LONP1: variants seen among roughly 807,000 people sequenced by gnomAD.
LONP1 encodes the protein lon protease homolog, mitochondrial.
A neutral mutation model predicts 98.5 loss-of-function variants in LONP1; 31 were observed. The ratio of observed to expected loss-of-function variants is 0.31; its 90% confidence interval spans 0.24 to 0.42. The LOEUF is 0.42. Ranked by LOEUF, LONP1 falls within the 20% of genes least tolerant of loss-of-function variation. LONP1 has a pLI of 1.00. For missense variants in LONP1, 1,336 were observed against 1,350.6 expected (o/e 0.99, Z 0.17); for synonymous variants, 781 against 594.7 (o/e 1.31, Z -4.56).
chr19:5,693,698 C>T lies in LONP1; in HGVS notation c.2392G>A (p.Gly798Ser), dbSNP rs201378376. The T allele has an allele frequency of 3.3e-4, 527 of 1,614,096 alleles. 11 individuals carry two copies. The East Asian group carries it at 7.4e-3, about 23-fold the overall frequency. The stretch of plus-strand genomic sequence containing the variant: ...AGCTGGCCTGTCACCTCCAGGCTGC[C>T]ATCCTTGTCACCCTTGGCATCCTTG... ...QDKDAKGDKD[G>S]SLEVTGQLGE... The change falls in exon 16 of 18, where the codon GGC (glycine) becomes AGC (serine). Residue 798 changes from glycine to serine, a missense_variant. Gly to Ser is a moderately conservative substitution (Grantham distance 56). Transcript: ENST00000360614.
chr19:5,708,021 T>C (rs988116482), intron 5 of LONP1, 195 bp from the exon 6 acceptor site: 9 of 660,688 alleles, frequency 1.4e-5, no homozygotes, highest in African/African-American at 5.5e-5. Context: ...TGGAAAGGCA[T>C]GCAGCATCCT....
At chr19:5,710,883 G>A (rs1439769242) in intron 4 of LONP1, among the ~76,000 whole-genome samples, 1 of 152,040 alleles carries the variant, frequency 6.6e-6, no homozygotes, top group African/African-American at 2.4e-5. Context: ...AAAATTAGCC[G>A]TGTGTGGTGG....
intron 10 of LONP1, among the ~76,000 whole-genome samples, chr19:5,698,091 A>T (rs1000073927): frequency 2.3e-4 from 17 of 75,142 alleles, no homozygotes; most frequent in African/African-American, 9.0e-4. Flanking sequence ...CCCCCTAGTC[A>T]ATCTGGGACT....
intron 8 of LONP1, among the ~76,000 whole-genome samples, chr19:5,701,880 G>A (rs1272578239): frequency 1.3e-5 from 2 of 151,536 alleles, no homozygotes; most frequent in African/African-American, 4.9e-5. Context: ...CATCTGAGAT[G>A]TGGGGAGCGC....
Position 5,711,869 on chromosome 19 carries a change from G to A in LONP1, c.772C>T (p.Leu258=), listed in dbSNP as rs1599476040. 17 of 1,612,878 alleles carry A rather than the reference G, an allele frequency of 1.1e-5. No homozygotes were observed. Among genetic ancestry groups the A allele is most frequent in the Non-Finnish European group, 1.4e-5 (16 of 1,180,000 alleles). Residue 258 remains leucine, a synonymous_variant, in exon 4 of 18, where the codon CTG becomes TTG. Transcript: ENST00000360614. The part of the protein sequence containing the change: ...DELSARHPAE[L]AMEPTPELPA... ...AGCTCAGGGGTGGGCTCCATCGCCA[G>A]CTCCGCCGGGTGCCTGGCGCTCAGC...
upstream of LONP1, chr19:5,720,158 C>G (rs1456085289): frequency 2.2e-6 from 3 of 1,389,632 alleles, no homozygotes; most frequent in African/African-American, 3.1e-5. Flanking sequence ...GCGGCTCACA[C>G]AACTCGCGTC....
chr19:5,692,813 G>A (rs1599441327), intron 17 of LONP1, among the ~76,000 whole-genome samples: 1 of 152,126 alleles, frequency 6.6e-6, no homozygotes, highest in South Asian at 2.1e-4. Context: ...CCTCCCTCGT[G>A]GTGGCATCTC....
At chr19:5,701,299 TTCTGCCTCTGCCTCTGCCC>T (rs982364826) in intron 8 of LONP1, among the ~76,000 whole-genome samples, 2 of 152,242 alleles carry the variant, frequency 1.3e-5, no homozygotes, top group Admixed American at 1.3e-4. Flanking sequence ...CAAAAAATGC[TTCTGCCTCTGCCTCTGCCC>T]TCTGCCTCTC....
rs2054896804 is a variant in LONP1 at position 5,694,810 on chromosome 19, TG to T, written c.2104del (p.Gln702SerfsTer36). On this transcript the variant is annotated frameshift_variant, in exon 14 of 18. Transcript: ENST00000360614. LOFTEE classifies it high-confidence loss of function. Reference sequence around the variant, plus strand: ...GCGGACACCGCTCTCGCGGCAGTACTGCTTGATGAGCAGCGTCAGCACGTCC... The same window carrying T: ...GCGGACACCGCTCTCGCGGCAGTACTCTTGATGAGCAGCGTCAGCACGTCC... Reference protein sequence around the residue: ...SSDVLTLLIKQYCRESGVRNL... With the variant: ...SSDVLTLLIKXYCRESGVRNL... 1 of 1,600,328 alleles carries T rather than the reference TG, an allele frequency of 6.2e-7. No homozygotes were observed. Among genetic ancestry groups the T allele is most frequent in the Admixed American group, 1.7e-5 (1 of 59,796 alleles).
At chr19:5,696,409 C>A in intron 11 of LONP1, 38 bp from the exon 12 acceptor site, 7 of 1,602,962 alleles carry the variant, frequency 4.4e-6, no homozygotes, top group Non-Finnish European at 5.1e-6. Context: ...CCTCGCCGTG[C>A]CCCTGGCCAG....
chr19:5,714,625 T>C (rs1226138119), intron 1 of LONP1, among the ~76,000 whole-genome samples: 1 of 147,580 alleles, frequency 6.8e-6, no homozygotes, highest in Non-Finnish European at 1.5e-5. Context: ...TTTCTTTTTT[T>C]TTTTTTTTTC....
Position 5,694,800 on chromosome 19 carries a change from G to A in LONP1, c.2115C>T (p.Arg705=), listed in dbSNP as rs764314875. 1.4e-5 allele frequency: 23 copies of A among 1,594,218 alleles called. No individual in the cohort carries two copies. The highest frequency in any genetic ancestry group is 1.7e-5 in the Non-Finnish European group (20 of 1,164,376). Residue 705 remains arginine (R), a synonymous_variant, in exon 14 of 18, where the codon CGC becomes CGT. Transcript: ENST00000360614. ...VLTLLIKQYC[R]ESGVRNLQKQ... Reference sequence around the variant, plus strand: ...TCTGCAGGTTGCGGACACCGCTCTCGCGGCAGTACTGCTTGATGAGCAGCG... The same window carrying A: ...TCTGCAGGTTGCGGACACCGCTCTCACGGCAGTACTGCTTGATGAGCAGCG...
chr19:5,702,768 T>C (rs1299066787), intron 8 of LONP1, among the ~76,000 whole-genome samples: 2 of 151,620 alleles, frequency 1.3e-5, no homozygotes, highest in Non-Finnish European at 2.9e-5. Context: ...CAGGGTTAAA[T>C]GGATTAAGGG....
rs762154436 is a variant in LONP1, at chr19:5,693,712, T to A, written c.2378A>T (p.Lys793Met). The change falls in exon 16 of 18, where the codon AAG (lysine) becomes ATG (methionine). Residue 793 changes from lysine to methionine, a missense_variant. Transcript: ENST00000360614. ...SLRRPQDKDA[K>M]GDKDGSLEVT... ...CTCCAGGCTGCCATCCTTGTCACCC[T>A]TGGCATCCTTGTCCTGTGGCCGTCT... is the stretch of plus-strand genomic sequence containing the variant. 4.3e-6 allele frequency: 7 copies of A among 1,613,952 alleles called. No homozygotes were observed. In the Middle Eastern group the frequency reaches 6.6e-4, roughly 152 times the overall value.
In LONP1 at chr19:5,709,543, C is replaced by T. The variant is rs142090670; in HGVS notation, c.871-1140G>A. ...CCTGGTCTCTAGTCTTTGGCTTTGACGCTGAACTGTCTGAGCTGACCCTGG... is the reference window on the plus strand; with the variant it reads ...CCTGGTCTCTAGTCTTTGGCTTTGATGCTGAACTGTCTGAGCTGACCCTGG... On this transcript the variant is annotated intron_variant, in intron 4 of 17. Coordinates refer to ENST00000360614, the MANE Select transcript of LONP1 (RefSeq NM_004793.4). 4.8e-3 allele frequency among the ~76,000 whole-genome samples: 726 copies of T among 152,116 alleles called. 5 individuals are homozygous for T. The highest frequency in any genetic ancestry group is 0.017 in the Middle Eastern group (5 of 294).
chr19:5,696,887 C>T (rs938374147), intron 10 of LONP1, 130 bp from the exon 11 acceptor site: 38 of 636,026 alleles, frequency 6.0e-5, no homozygotes, highest in African/African-American at 4.8e-4. Context: ...ATGTGGGAGG[C>T]GGAAATGCTG....
Position 5,694,261 on chromosome 19 carries a change from C to T in LONP1, c.2320+126G>A, listed in dbSNP as rs571195513. 106 of 1,301,128 alleles carry T rather than the reference C, an allele frequency of 8.1e-5. No homozygotes were observed. The East Asian group carries it at 2.5e-3, about 30-fold the overall frequency. 80.6% of individuals were successfully genotyped at this position (1,301,128 alleles called of 1,614,324 possible). On this transcript the variant is annotated intron_variant, in intron 15 of 17. Coordinates refer to ENST00000360614, the MANE Select transcript of LONP1 (RefSeq NM_004793.4). ...CCAGACCCCCTGGGCTCCCAGCACA[C>T]CACCCCCCGCCAGAGGCCGTTCAGA...
chr19:5,694,552 C>G lies in LONP1; in HGVS notation c.2155G>C (p.Val719Leu), dbSNP rs750942603. 2 of 1,610,636 alleles carry G rather than the reference C, an allele frequency of 1.2e-6. No homozygotes were observed. Among genetic ancestry groups the G allele is most frequent in the African/African-American group, 1.3e-5 (1 of 74,912 alleles). The change falls in exon 15 of 18, where the codon GTG becomes CTG. Residue 719 changes from valine to leucine, a missense_variant and splice_region_variant. Val to Leu is a conservative substitution (Grantham distance 32, BLOSUM62 1). This residue lies in a region of LONP1 where 555 missense variants were observed against 542.6 expected (regional missense o/e 1.02). Coordinates refer to ENST00000360614, the MANE Select transcript of LONP1 (RefSeq NM_004793.4). ...VRNLQKQVEK[V>L]LRKSAYKIVS... is the part of the protein sequence containing the mutation. ...ATCTTGTAGGCCGATTTCCGTAACA[C>G]CTGGGCGGTCAGGGCAACACAATGG...
intron 9 of LONP1, among the ~76,000 whole-genome samples, chr19:5,699,436 AC>A (rs999467425): frequency 9.2e-5 from 14 of 151,912 alleles, no homozygotes; most frequent in Non-Finnish European, 8.8e-5. Flanking sequence ...GTGCTAGGAG[AC>A]CGCGGCCACC....
Sources: gnomAD v4.1 joint callset for allele counts (sites outside exome capture counted in the v4.1 genomes callset) on GRCh38, gnomAD v4.1.1 for gene constraint, gnomAD v4.1.1 regional missense constraint, MANE v1.5 for transcripts, NCBI Gene and HGNC (gene_info 2026-07-23, HGNC 2026-07-21) for gene names.